GALNT13: variants seen among roughly 807,000 people sequenced by gnomAD.
GALNT13 encodes UDP-GalNAc:polypeptide N-acetylgalactosaminyltransferase 13.
A neutral mutation model predicts 64.2 loss-of-function variants in GALNT13; 28 were observed. The ratio of observed to expected loss-of-function variants is 0.44; its 90% CI spans 0.32 to 0.60. The LOEUF is 0.60. Among genes scored for constraint, GALNT13 ranks in the 20% least tolerant of loss-of-function variants. The pLI is 0.05. For missense variants in GALNT13, 577 were observed against 669.8 expected, an observed-to-expected ratio of 0.86 and a Z score of 1.53; for synonymous variants, 214 against 224.6, an observed-to-expected ratio of 0.95 and a Z score of 0.42.
At chr2:153,317,234 G>A in the GALNT13 span, among the ~76,000 whole-genome samples, 8 of 152,114 alleles carry the variant, frequency 5.3e-5, no homozygotes, top group Non-Finnish European at 7.3e-5. Context: ...GGAAGTTAGA[G>A]TTTATTCAAT....
intron 2 of GALNT13, among the ~76,000 whole-genome samples, chr2:153,933,423 T>C (rs1690671161): frequency 5.9e-5 from 9 of 152,206 alleles, no homozygotes; most frequent in Admixed American, 5.2e-4. Context: ...TGGTAGATTA[T>C]TGTCCATACC....
intron 1 of GALNT13, among the ~76,000 whole-genome samples, chr2:153,882,657 G>A (rs1686860978): frequency 6.7e-6 from 1 of 149,950 alleles, no homozygotes; most frequent in Non-Finnish European, 1.5e-5. Context: ...TTGAGCCAGG[G>A]TCTCTTGCCC....
chr2:153,521,121 T>C, the GALNT13 span, among the ~76,000 whole-genome samples: 1 of 152,200 alleles, frequency 6.6e-6, no homozygotes, highest in Non-Finnish European at 1.5e-5. Flanking sequence ...TAAAGTATCC[T>C]TGTAAGTTAT....
At chr2:154,069,728 G>T (rs922021012) in intron 3 of GALNT13, among the ~76,000 whole-genome samples, 1 of 151,900 alleles carries the variant, frequency 6.6e-6, no homozygotes, top group Admixed American at 6.6e-5. Context: ...TCAAGAGGTG[G>T]GATAAACTAG....
the GALNT13 span, among the ~76,000 whole-genome samples, chr2:153,404,221 T>C: frequency 6.6e-6 from 1 of 152,166 alleles, no homozygotes; most frequent in African/African-American, 2.4e-5. Flanking sequence ...TCCTACTGTT[T>C]TTCCTGAACA....
intron 3 of GALNT13, among the ~76,000 whole-genome samples, chr2:154,014,636 T>TTC: frequency 2.8e-5 from 1 of 36,058 alleles, no homozygotes; most frequent in East Asian, 0.012. Flanking sequence ...ATAATTCTCC[T>TTC]TTTTTTTTTT....
At chr2:154,295,480 C>G (rs1481600099) in intron 8 of GALNT13, among the ~76,000 whole-genome samples, 12 of 151,886 alleles carry the variant, frequency 7.9e-5, no homozygotes, top group Admixed American at 7.9e-4. Context: ...TCTCCTCCCT[C>G]AGCCTCCCAA....
At chr2:153,353,727 C>T in the GALNT13 span, among the ~76,000 whole-genome samples, 2 of 151,980 alleles carry the variant, frequency 1.3e-5, no homozygotes, top group African/African-American at 2.4e-5. Flanking sequence ...TTTTTCTGTA[C>T]CCTTTGATGT....
At chr2:153,905,505 TCTC>T (rs1186399060) in intron 2 of GALNT13, among the ~76,000 whole-genome samples, 1 of 151,942 alleles carries the variant, frequency 6.6e-6, no homozygotes, top group Non-Finnish European at 1.5e-5. Flanking sequence ...GTGAATATAG[TCTC>T]CTTGTCTCTC....
At chr2:153,466,383 G>A in the GALNT13 span, among the ~76,000 whole-genome samples, 2 of 151,746 alleles carry the variant, frequency 1.3e-5, no homozygotes. Context: ...TTCCTCAGTG[G>A]TAAATACTGC....
chr2:153,170,103 G>T, the GALNT13 span, among the ~76,000 whole-genome samples: 2 of 151,960 alleles, frequency 1.3e-5, no homozygotes, highest in Admixed American at 1.3e-4. Flanking sequence ...TGAAAATTAC[G>T]GTTACAGTCT....
At chr2:153,902,335 A>G (rs1209301080) in intron 2 of GALNT13, among the ~76,000 whole-genome samples, 1 of 152,074 alleles carries the variant, frequency 6.6e-6, no homozygotes, top group Admixed American at 6.6e-5. Context: ...AGACAAAGCT[A>G]GTGATTTTGT....
chr2:153,650,067 T>G, the GALNT13 span, among the ~76,000 whole-genome samples: 4,359 of 152,264 alleles, frequency 0.029, 78 homozygotes, highest in Middle Eastern at 0.068. Flanking sequence ...AGTGGGGTGT[T>G]AAAGTTTCCC....
chr2:153,609,352 CTG>C, the GALNT13 span, among the ~76,000 whole-genome samples: 1 of 152,162 alleles, frequency 6.6e-6, no homozygotes, highest in Admixed American at 6.6e-5. Context: ...ATGCTTTAAA[CTG>C]TAATAATTAT....
At chr2:153,237,904 T>C in the GALNT13 span, among the ~76,000 whole-genome samples, 2 of 152,196 alleles carry the variant, frequency 1.3e-5, no homozygotes, top group African/African-American at 4.8e-5. Flanking sequence ...TTGAGAAAAC[T>C]CAAAACTGTT....
At chr2:153,256,935 G>A in the GALNT13 span, among the ~76,000 whole-genome samples, 20,261 of 152,322 alleles carry the variant, frequency 0.13, 1,670 homozygotes, top group Non-Finnish European at 0.18. Flanking sequence ...CAGAGGTGGA[G>A]CCTGCAGAGG....
chr2:154,134,729 C>T lies in GALNT13; in HGVS notation c.143-5608C>T, dbSNP rs542567242. 2.6e-5 allele frequency among the ~76,000 whole-genome samples: 4 copies of T among 152,284 alleles called. No homozygotes were observed. The East Asian group carries it at 5.8e-4, about 22-fold the overall frequency. ...TGTACAGGCTGCGCATGGTGGCTAA[C>T]GCCTGTAATCCCGACAGTCTGGGAG... On this transcript the variant is annotated intron_variant, in intron 3 of 12. Transcript: ENST00000392825.
intron 4 of GALNT13, among the ~76,000 whole-genome samples, chr2:154,160,229 A>G (rs962804745): frequency 1.3e-5 from 2 of 152,172 alleles, no homozygotes; most frequent in African/African-American, 4.8e-5. Flanking sequence ...GCATGCATTT[A>G]TATTTTCATT....
chr2:153,617,418 G>A, the GALNT13 span, among the ~76,000 whole-genome samples: 1 of 151,872 alleles, frequency 6.6e-6, no homozygotes, highest in South Asian at 2.1e-4. Context: ...AATACCACTT[G>A]GTCATGATAA....
Sources: gnomAD v4.1 joint callset for allele counts (sites outside exome capture counted in the v4.1 genomes callset) on GRCh38, gnomAD v4.1.1 for gene constraint, MANE v1.5 for transcripts, NCBI Gene and HGNC (gene_info 2026-07-23, HGNC 2026-07-21) for gene names.